SPAG16: variants seen among roughly 807,000 people sequenced by gnomAD.
SPAG16 encodes sperm associated antigen 16.
SPAG16 carries 86 observed loss-of-function variants against 80.4 expected under a neutral mutation model. That is an observed-to-expected ratio of 1.07 (90% confidence interval 0.90 to 1.28). SPAG16 has a LOEUF of 1.28. Among genes scored for constraint, SPAG16 ranks in the 50% most tolerant of loss-of-function variants. SPAG16 has a pLI of 0.00. For missense variants in SPAG16, 870 were observed against 765.3 expected, an observed-to-expected ratio of 1.14 and a Z score of -1.61; for synonymous variants, 294 against 265.9, an observed-to-expected ratio of 1.11 and a Z score of -1.03.
intron 15 of SPAG16, among the ~76,000 whole-genome samples, chr2:214,319,154 C>G (rs1315557105): frequency 6.7e-6 from 1 of 148,196 alleles, no homozygotes; most frequent in Non-Finnish European, 1.5e-5. Flanking sequence ...TATGGAGTAG[C>G]CATTCTTTAT....
chr2:214,026,731 A>C (rs58151001), intron 13 of SPAG16, among the ~76,000 whole-genome samples: 1 of 151,556 alleles, frequency 6.6e-6, no homozygotes, highest in African/African-American at 2.4e-5. Flanking sequence ...TTATTAATCT[A>C]TAAATTTACT....
At chr2:213,517,365 G>T (rs1224084609) in intron 10 of SPAG16, among the ~76,000 whole-genome samples, 1 of 152,118 alleles carries the variant, frequency 6.6e-6, no homozygotes, top group Non-Finnish European at 1.5e-5. Flanking sequence ...AATCAGCATT[G>T]TTAAAATGAC....
At position 213,340,252 on chromosome 2, in the gene SPAG16, T is replaced by C; in HGVS notation, c.626T>C (p.Leu209Ser). The C allele has an allele frequency of 6.2e-7, 1 of 1,605,302 alleles. No homozygotes were observed. Among genetic ancestry groups the C allele is most frequent in the Non-Finnish European group, 8.5e-7 (1 of 1,173,206 alleles). The change falls in exon 6 of 16, where the codon TTA becomes TCA. Residue 209 changes from leucine (L) to serine (S), a missense_variant. Coordinates refer to ENST00000331683, the MANE Select transcript of SPAG16 (RefSeq NM_024532.5). Reference sequence around the variant, plus strand: ...CGAATAGTCCAGGAAAAAAACAAATTAATTAATGACCTCAAAGGGTAAGCT... The same window carrying C: ...CGAATAGTCCAGGAAAAAAACAAATCAATTAATGACCTCAAAGGGTAAGCT... The part of the protein sequence containing the change: ...HKRIVQEKNK[L>S]INDLKGLKLH...
intron 10 of SPAG16, among the ~76,000 whole-genome samples, chr2:213,611,447 T>C (rs189222106): frequency 1.7e-3 from 260 of 152,342 alleles, no homozygotes; most frequent in Admixed American, 5.6e-3. Context: ...GTTACCAAAT[T>C]GAAGAATAAA....
chr2:214,293,575 T>A (rs993312290), intron 15 of SPAG16, among the ~76,000 whole-genome samples: 3 of 152,202 alleles, frequency 2.0e-5, no homozygotes, highest in Admixed American at 1.3e-4. Flanking sequence ...ACTCCCCAGG[T>A]CACTAGCAGA....
intron 10 of SPAG16, among the ~76,000 whole-genome samples, chr2:213,791,803 T>TAAG (rs1280389729): frequency 6.6e-6 from 1 of 152,182 alleles, no homozygotes; most frequent in African/African-American, 2.4e-5. Flanking sequence ...AAAAATGTTT[T>TAAG]AAGTCACGTT....
At chr2:213,736,706 A>ATT (rs10631489) in intron 10 of SPAG16, among the ~76,000 whole-genome samples, 61,089 of 145,424 alleles carry the variant, frequency 0.42, 13,125 homozygotes, top group East Asian at 0.57. Flanking sequence ...TTTTTAAATA[A>ATT]TTTTTTTTTT....
At chr2:213,592,733 T>C (rs768568711) in intron 10 of SPAG16, among the ~76,000 whole-genome samples, 3 of 152,198 alleles carry the variant, frequency 2.0e-5, no homozygotes, top group Non-Finnish European at 4.4e-5. Context: ...TGAATGGTGC[T>C]AATGAAGTTC....
intron 10 of SPAG16, among the ~76,000 whole-genome samples, chr2:213,632,259 A>C (rs1458266861): frequency 6.6e-6 from 1 of 151,768 alleles, no homozygotes; most frequent in Non-Finnish European, 1.5e-5. Context: ...TTCCTTTTTA[A>C]ATTTTTTTTC....
At chr2:214,023,069 A>T (rs190600061) in intron 13 of SPAG16, among the ~76,000 whole-genome samples, 20 of 152,058 alleles carry the variant, frequency 1.3e-4, no homozygotes, top group African/African-American at 4.8e-4. Flanking sequence ...GTTCTCAATT[A>T]TCCCATTTTA....
intron 12 of SPAG16, among the ~76,000 whole-genome samples, chr2:213,949,179 T>TTTTTTTTTTTTTTTTGTTTTTTTTG (rs1553677674): frequency 3.0e-4 from 11 of 36,262 alleles, no homozygotes; most frequent in African/African-American, 8.1e-4. Context: ...GTTTTTTTTT[T>TTTTTTTTTTTTTTTTGTTTTTTTTG]TTTTTTTTTT....
chr2:213,367,078 G>C (rs891098512), intron 8 of SPAG16, among the ~76,000 whole-genome samples: 1 of 152,032 alleles, frequency 6.6e-6, no homozygotes, highest in South Asian at 2.1e-4. Context: ...GAGAACGATG[G>C]TTTCCAGTTT....
At chr2:213,936,731 G>A (rs903768640) in intron 12 of SPAG16, among the ~76,000 whole-genome samples, 5 of 152,120 alleles carry the variant, frequency 3.3e-5, no homozygotes, top group Admixed American at 1.3e-4. Flanking sequence ...ATTATAAAAG[G>A]CTTTTCCAAC....
At chr2:213,295,333 C>T (rs908534494) in intron 1 of SPAG16, among the ~76,000 whole-genome samples, 2 of 151,824 alleles carry the variant, frequency 1.3e-5, no homozygotes. Context: ...ATTAGAGTAA[C>T]TTATAGTTTT....
intron 10 of SPAG16, among the ~76,000 whole-genome samples, chr2:213,643,609 C>T (rs2062707028): frequency 6.7e-6 from 1 of 149,710 alleles, no homozygotes; most frequent in African/African-American, 2.4e-5. Flanking sequence ...ACCCCTATCT[C>T]TTTTTCTACT....
At chr2:214,256,378 T>G (rs1392663147) in intron 15 of SPAG16, among the ~76,000 whole-genome samples, 1 of 151,958 alleles carries the variant, frequency 6.6e-6, no homozygotes, top group Non-Finnish European at 1.5e-5. Context: ...TTGCAAATTG[T>G]TTTTTCTAGT....
At chr2:213,469,270 G>T (rs1017654031) in intron 9 of SPAG16, among the ~76,000 whole-genome samples, 1 of 152,020 alleles carries the variant, frequency 6.6e-6, no homozygotes, top group African/African-American at 2.4e-5. Flanking sequence ...TGTACATCAG[G>T]AAACGCACCA....
rs568726646 is a variant in SPAG16 at position 213,946,716 on chromosome 2, G to T, written c.1400+16571G>T. 7.2e-5 allele frequency among the ~76,000 whole-genome samples: 11 copies of T among 152,122 alleles called. No individual in the cohort carries two copies. In the East Asian group the frequency reaches 2.1e-3, roughly 29 times the overall value. On this transcript the variant is annotated intron_variant, in intron 12 of 15. Coordinates refer to ENST00000331683, the MANE Select transcript of SPAG16 (RefSeq NM_024532.5). ...AACAGTTTCTACATGCAGATTTTTG[G>T]TATGTGTGTGTATAGTTCTACAAAA...
chr2:213,540,235 A>G (rs2076397024), intron 10 of SPAG16, among the ~76,000 whole-genome samples: 1 of 151,518 alleles, frequency 6.6e-6, no homozygotes, highest in Admixed American at 6.6e-5. Context: ...TATTTTTAGT[A>G]GAGACGGGGT....
Sources: allele counts gnomAD v4.1 joint callset (sites outside exome capture counted in the v4.1 genomes callset), GRCh38; gene constraint gnomAD v4.1.1; transcripts MANE v1.5; gene names NCBI Gene and HGNC (gene_info 2026-07-23, HGNC 2026-07-21).